Variants in HEPHL1 observed in about 807,000 individuals in gnomAD.
HEPHL1 encodes hephaestin like 1.
A neutral mutation model predicts 122.0 loss-of-function variants in HEPHL1; 123 were observed. The observed-to-expected ratio is 1.01, with a 90% confidence interval of 0.87 to 1.17. The LOEUF is 1.17. Among genes scored for constraint, HEPHL1 ranks in the 50% most tolerant of loss-of-function variants. HEPHL1 has a pLI of 0.00. For missense variants in HEPHL1, 1,452 were observed against 1,430.5 expected, an observed-to-expected ratio of 1.01 and a Z score of -0.24; for synonymous variants, 527 against 508.9, an observed-to-expected ratio of 1.04 and a Z score of -0.48.
Position 94,102,947 on chromosome 11 carries a change from A to G in HEPHL1, c.2609A>G (p.Lys870Arg). Reference sequence around the variant, plus strand: ...AAAACTTATAGATGGAATATCCCTAAAAGATCCGGTCCAGGGCCTTCTGAT... The same window carrying G: ...AAAACTTATAGATGGAATATCCCTAGAAGATCCGGTCCAGGGCCTTCTGAT... ...EVKTYRWNIP[K>R]RSGPGPSDPN... Residue 870 changes from lysine (K) to arginine (R), a missense_variant, in exon 15 of 20, where the codon AAA (lysine) becomes AGA (arginine). Lys to Arg is a conservative substitution (Grantham distance 26). Transcript: ENST00000315765. 6.2e-7 allele frequency: 1 copy of G among 1,606,324 alleles called. No individual in the cohort carries two copies. The highest frequency in any genetic ancestry group is 2.2e-5 in the East Asian group (1 of 44,802).
At chr11:94,028,128 C>T (rs969655924) in intron 1 of HEPHL1, among the ~76,000 whole-genome samples, 1 of 152,316 alleles carries the variant, frequency 6.6e-6, no homozygotes, top group Non-Finnish European at 1.5e-5. Flanking sequence ...CTGCCCTCTA[C>T]ACAGACATGT....
At chr11:94,109,233 C>T (rs768233638) in intron 17 of HEPHL1, among the ~76,000 whole-genome samples, 22 of 152,136 alleles carry the variant, frequency 1.4e-4, no homozygotes, top group Non-Finnish European at 2.8e-4. Context: ...TTGCTAAACT[C>T]ACTTTAGTTC....
At chr11:94,085,020 A>C (rs1474404737) in intron 10 of HEPHL1, among the ~76,000 whole-genome samples, 1 of 152,242 alleles carries the variant, frequency 6.6e-6, no homozygotes, top group Non-Finnish European at 1.5e-5. Flanking sequence ...ATTATAACAG[A>C]AGGTCACTCA....
At chr11:94,072,508 TATC>T (rs1163425864) in intron 6 of HEPHL1, among the ~76,000 whole-genome samples, 2 of 152,142 alleles carry the variant, frequency 1.3e-5, no homozygotes, top group African/African-American at 4.8e-5. Flanking sequence ...GAATTTATAT[TATC>T]ATATTCACGA....
chr11:94,111,616 C>A lies in HEPHL1; in HGVS notation c.3277+11C>A. On this transcript the variant is annotated intron_variant, in intron 19 of 19. Transcript: ENST00000315765. Reference sequence around the variant, plus strand: ...CGGTGCCATCTAACGGTAATGATACCCTCTCCCCATGTAAATGAGTCAACA... The same window carrying A: ...CGGTGCCATCTAACGGTAATGATACACTCTCCCCATGTAAATGAGTCAACA... The A allele has an allele frequency of 6.2e-7, 1 of 1,606,948 alleles. No homozygotes were observed. Among genetic ancestry groups the A allele is most frequent in the Non-Finnish European group, 8.5e-7 (1 of 1,176,172 alleles).
chr11:94,037,624 C>T lies in HEPHL1; in HGVS notation c.171-8049C>T, dbSNP rs536739775. On this transcript the variant is annotated intron_variant, in intron 1 of 19. Transcript: ENST00000315765. ...AACAGGGGCATACTGACACCTCACA[C>T]AGCAGGGTATTCCAACAGACCTGCA... is the stretch of plus-strand genomic sequence containing the variant. 2.6e-4 allele frequency among the ~76,000 whole-genome samples: 39 copies of T among 152,282 alleles called. No individual in the cohort carries two copies. The East Asian group carries it at 5.2e-3, about 20-fold the overall frequency.
chr11:94,078,212 T>C (rs1946141543), intron 9 of HEPHL1, among the ~76,000 whole-genome samples: 1 of 152,054 alleles, frequency 6.6e-6, no homozygotes, highest in Non-Finnish European at 1.5e-5. Flanking sequence ...AATGCCATAT[T>C]ACACACATCT....
In HEPHL1 at chr11:94,104,613, A is replaced by G. The variant is rs372801048; in HGVS notation, c.2768A>G (p.Tyr923Cys). 1 of 1,613,936 alleles carries G rather than the reference A, an allele frequency of 6.2e-7. No individual in the cohort carries two copies. The highest frequency in any genetic ancestry group is 8.5e-7 in the Non-Finnish European group (1 of 1,179,808). ...AAGGGAAGAAGAAGTGACGTTGATT[A>G]TGAATTTGCTCTCTTGTTTTTGGTA... ...NEKGRRSDVDYEFALLFLVFN... is the reference protein window; with the variant it reads ...NEKGRRSDVDCEFALLFLVFN... The change falls in exon 16 of 20, where the codon TAT becomes TGT. Residue 923 changes from tyrosine (Y) to cysteine (C), a missense_variant. Tyr to Cys is a radical substitution (Grantham distance 194, BLOSUM62 -2). Transcript: ENST00000315765.
chr11:94,074,583 AG>A (rs1412350179), intron 8 of HEPHL1, among the ~76,000 whole-genome samples: 1 of 152,164 alleles, frequency 6.6e-6, no homozygotes, highest in African/African-American at 2.4e-5. Flanking sequence ...GGCCTTGTCT[AG>A]TAGGAAAGAA....
At chr11:94,055,056 T>G in intron 2 of HEPHL1, 1 of 161,834 alleles carries the variant, frequency 6.2e-6, no homozygotes, top group Non-Finnish European at 1.3e-5. Flanking sequence ...CAGACTGCTC[T>G]GCCGGAAGGT....
At chr11:94,099,657 C>A (rs1163578614) in intron 13 of HEPHL1, among the ~76,000 whole-genome samples, 2 of 152,168 alleles carry the variant, frequency 1.3e-5, no homozygotes, top group Admixed American at 1.3e-4. Context: ...GCGGTGGGCT[C>A]CACCCAGTTC....
rs16919878 is a variant in HEPHL1, at chr11:94,063,172, A to G, written c.416-336A>G. On this transcript the variant is annotated intron_variant, in intron 2 of 19. Transcript: ENST00000315765. ...TCCTTCCCTTCTTGAGTCGATGTCA[A>G]CTGAGGGGAATTGAAATCTTCCTGG... Among the ~76,000 whole-genome samples, 613 of 152,324 alleles carry G rather than the reference A, an allele frequency of 4.0e-3. 3 individuals carry two copies. The highest frequency in any genetic ancestry group is 7.5e-3 in the Admixed American group (114 of 15,298).
At chr11:94,054,332 C>T (rs928605936) in intron 2 of HEPHL1, among the ~76,000 whole-genome samples, 5 of 152,164 alleles carry the variant, frequency 3.3e-5, no homozygotes, top group African/African-American at 1.2e-4. Context: ...CAACAGGACT[C>T]AGATCTCAGT....
chr11:94,064,015 T>C (rs1946011221), intron 3 of HEPHL1, among the ~76,000 whole-genome samples: 1 of 152,240 alleles, frequency 6.6e-6, no homozygotes, highest in Non-Finnish European at 1.5e-5. Flanking sequence ...TCTGCTTCAT[T>C]ATTTCACCCA....
At position 94,064,520 on chromosome 11, in the gene HEPHL1, T is replaced by A; in HGVS notation, c.808+10T>A. ...AGTAACAAAATGCATGGTGAGTACC[T>A]CCCATGTTCCCAAACGTATACCAGG... On this transcript the variant is annotated intron_variant, in intron 4 of 19. Coordinates refer to ENST00000315765, the MANE Select transcript of HEPHL1 (RefSeq NM_001098672.2). The A allele has an allele frequency of 6.3e-7, 1 of 1,593,218 alleles. No individual in the cohort carries two copies. The highest frequency in any genetic ancestry group is 8.6e-7 in the Non-Finnish European group (1 of 1,162,930).
At chr11:94,022,416 T>G (rs926100220) in intron 1 of HEPHL1, among the ~76,000 whole-genome samples, 1 of 152,240 alleles carries the variant, frequency 6.6e-6, no homozygotes, top group Admixed American at 6.5e-5. Flanking sequence ...AGTTGCATTC[T>G]GCATCCATGT....
At chr11:94,094,634 A>G (rs562022376) in intron 13 of HEPHL1, among the ~76,000 whole-genome samples, 46 of 152,268 alleles carry the variant, frequency 3.0e-4, no homozygotes, top group African/African-American at 1.0e-3. Flanking sequence ...AAGTGTTCCT[A>G]TTTCTCCACA....
chr11:94,080,624 G>A (rs978158835), intron 9 of HEPHL1, among the ~76,000 whole-genome samples: 1 of 152,052 alleles, frequency 6.6e-6, no homozygotes, highest in African/African-American at 2.4e-5. Flanking sequence ...TTAAAAAGTG[G>A]GCAAAAGACG....
chr11:94,022,477 G>A (rs1389613009), intron 1 of HEPHL1, among the ~76,000 whole-genome samples: 1 of 152,202 alleles, frequency 6.6e-6, no homozygotes, highest in Non-Finnish European at 1.5e-5. Flanking sequence ...ACAGCACAGG[G>A]CCTACCAGCA....
Sources: allele counts gnomAD v4.1 joint callset (sites outside exome capture counted in the v4.1 genomes callset), GRCh38; gene constraint gnomAD v4.1.1; transcripts MANE v1.5; gene names NCBI Gene and HGNC (gene_info 2026-07-23, HGNC 2026-07-21).